GPC5: variants seen among roughly 807,000 people sequenced by gnomAD.
GPC5 encodes the protein glypican-5.
A neutral mutation model predicts 53.9 loss-of-function variants in GPC5; 47 were observed. The ratio of observed to expected loss-of-function variants is 0.87; its 90% CI spans 0.69 to 1.11. The LOEUF (loss-of-function observed/expected upper bound fraction) is 1.11. Among genes scored for constraint, GPC5 ranks in the 50% most tolerant of loss-of-function variants. GPC5 has a pLI of 0.00. For synonymous variants in GPC5, 286 were observed against 263.3 expected (o/e 1.09, Z -0.84); for missense variants, 748 against 713.1 (o/e 1.05, Z -0.56).
chr13:92,851,887 C>CAAAAAAAA (rs71202563), intron 7 of GPC5, among the ~76,000 whole-genome samples: 1 of 59,206 alleles, frequency 1.7e-5, no homozygotes, highest in Non-Finnish European at 3.4e-5. Flanking sequence ...GACTCCGTCT[C>CAAAAAAAA]AAAAAAAAAA....
chr13:91,425,263 C>T (rs1878957842), intron 1 of GPC5, among the ~76,000 whole-genome samples: 1 of 152,132 alleles, frequency 6.6e-6, no homozygotes, highest in Non-Finnish European at 1.5e-5. Context: ...GAATTTCAGT[C>T]TTTAGGTTAG....
intron 6 of GPC5, among the ~76,000 whole-genome samples, chr13:92,137,176 T>A (rs1428903756): frequency 1.3e-5 from 2 of 152,156 alleles, no homozygotes; most frequent in African/African-American, 2.4e-5. Context: ...TGCTTTCCCA[T>A]GTATTATTAT....
intron 1 of GPC5, among the ~76,000 whole-genome samples, chr13:91,414,157 G>T (rs905697356): frequency 1.3e-5 from 2 of 152,140 alleles, no homozygotes; most frequent in Non-Finnish European, 2.9e-5. Flanking sequence ...TAATCCCCAC[G>T]TGTTGTGGGA....
At chr13:91,437,857 T>A (rs1439683971) in intron 1 of GPC5, among the ~76,000 whole-genome samples, 1 of 152,218 alleles carries the variant, frequency 6.6e-6, no homozygotes, top group Non-Finnish European at 1.5e-5. Flanking sequence ...TTTGTTCATT[T>A]CTTTTTATTC....
intron 7 of GPC5, among the ~76,000 whole-genome samples, chr13:92,546,294 A>G (rs937319748): frequency 5.3e-5 from 8 of 152,218 alleles, no homozygotes; most frequent in African/African-American, 9.6e-5. Context: ...GATCTCCTCA[A>G]GCTGATAGGC....
intron 7 of GPC5, among the ~76,000 whole-genome samples, chr13:92,559,902 T>C (rs1458711505): frequency 1.3e-5 from 2 of 151,146 alleles, no homozygotes; most frequent in Non-Finnish European, 2.9e-5. Flanking sequence ...CAAAGGAACA[T>C]GAAAAACTCC....
At chr13:92,118,823 T>C (rs1176067823) in intron 6 of GPC5, among the ~76,000 whole-genome samples, 1 of 152,252 alleles carries the variant, frequency 6.6e-6, no homozygotes, top group Non-Finnish European at 1.5e-5. Flanking sequence ...TTGTCTTGGC[T>C]GGTGCCATAA....
At chr13:92,589,960 A>T (rs951385966) in intron 7 of GPC5, among the ~76,000 whole-genome samples, 3 of 152,210 alleles carry the variant, frequency 2.0e-5, no homozygotes, top group African/African-American at 4.8e-5. Context: ...TAAAAGGTTG[A>T]TGAGTGCCAC....
intron 7 of GPC5, among the ~76,000 whole-genome samples, chr13:92,281,276 C>G (rs1206325813): frequency 6.6e-6 from 1 of 152,224 alleles, no homozygotes; most frequent in Non-Finnish European, 1.5e-5. Flanking sequence ...GAGCCCACCA[C>G]AGCTCAAGGA....
intron 2 of GPC5, among the ~76,000 whole-genome samples, chr13:91,471,545 G>T (rs137949805): frequency 6.6e-6 from 1 of 152,166 alleles, no homozygotes; most frequent in African/African-American, 2.4e-5. Context: ...TAATAGCATG[G>T]TATTTCATTT....
At chr13:91,776,504 G>A (rs1189677856) in intron 5 of GPC5, among the ~76,000 whole-genome samples, 1 of 152,098 alleles carries the variant, frequency 6.6e-6, no homozygotes, top group African/African-American at 2.4e-5. Context: ...TCTCCTCATA[G>A]CAACTCTATT....
chr13:91,741,509 G>A (rs1566652157), intron 4 of GPC5, among the ~76,000 whole-genome samples: 1 of 152,016 alleles, frequency 6.6e-6, no homozygotes, highest in Non-Finnish European at 1.5e-5. Flanking sequence ...TTAAACGTGG[G>A]AAAAAATTTT....
intron 2 of GPC5, among the ~76,000 whole-genome samples, chr13:91,678,033 T>G (rs2035423495): frequency 6.6e-6 from 1 of 152,192 alleles, no homozygotes; most frequent in African/African-American, 2.4e-5. Flanking sequence ...AGAATTACAA[T>G]TTTTTTCTCC....
chr13:91,943,444 G>A (rs1235923962), intron 6 of GPC5, among the ~76,000 whole-genome samples: 4 of 151,936 alleles, frequency 2.6e-5, no homozygotes, highest in Non-Finnish European at 5.9e-5. Flanking sequence ...ATCATCAGAA[G>A]TTGACAGTTT....
At chr13:91,893,624 G>T (rs766941314) in intron 5 of GPC5, among the ~76,000 whole-genome samples, 3 of 152,014 alleles carry the variant, frequency 2.0e-5, no homozygotes, top group Non-Finnish European at 4.4e-5. Flanking sequence ...AAAGACAGTT[G>T]GTTCCAAATT....
At chr13:92,260,998 T>C (rs2042762803) in intron 7 of GPC5, among the ~76,000 whole-genome samples, 1 of 152,216 alleles carries the variant, frequency 6.6e-6, no homozygotes, top group South Asian at 2.1e-4. Context: ...CTGGGAATTA[T>C]ACATCATAAA....
chr13:92,231,436 ATTGT>A (rs1412580647), intron 7 of GPC5, among the ~76,000 whole-genome samples: 1 of 152,076 alleles, frequency 6.6e-6, no homozygotes, highest in African/African-American at 2.4e-5. Context: ...ATTAGTCCTA[ATTGT>A]TTGGAGGACA....
At position 92,124,248 on chromosome 13, in the gene GPC5, G is replaced by GAAAAA. The variant is rs34042033; in HGVS notation, c.1402-20561_1402-20557dup. Among the ~76,000 whole-genome samples the GAAAAA allele has an allele frequency of 8.4e-4, 46 of 54,980 alleles. 1 individual carries two copies. The highest frequency in any genetic ancestry group is 1.3e-3 in the African/African-American group (18 of 13,922). 36.1% of individuals were successfully genotyped at this position (54,980 alleles called of 152,430 possible). On this transcript the variant is annotated intron_variant, in intron 6 of 7. Coordinates refer to ENST00000377067, the MANE Select transcript of GPC5 (RefSeq NM_004466.6). ...CTCCCATCTTAACTCCGGACAGAAT[G>GAAAAA]AAAAAAAAAAAAAAAAAAAAAAAAA...
intron 7 of GPC5, among the ~76,000 whole-genome samples, chr13:92,830,547 G>T (rs1230461914): frequency 6.6e-6 from 1 of 152,000 alleles, no homozygotes; most frequent in African/African-American, 2.4e-5. Flanking sequence ...GAATAATAAT[G>T]AGAATAAACC....
Sources: allele counts gnomAD v4.1 joint callset (sites outside exome capture counted in the v4.1 genomes callset), GRCh38; gene constraint gnomAD v4.1.1; transcripts MANE v1.5; gene names NCBI Gene and HGNC (gene_info 2026-07-23, HGNC 2026-07-21).